Variants in BTNL8 observed in about 807,000 individuals in gnomAD.
BTNL8 encodes the protein butyrophilin-like protein 8.
A neutral mutation model predicts 36.1 loss-of-function variants in BTNL8; 22 were observed. The observed-to-expected ratio is 0.61, with a 90% CI of 0.44 to 0.87. The LOEUF is 0.87. Ranked by LOEUF, BTNL8 falls within the 40% of genes least tolerant of loss-of-function variation. BTNL8 has a pLI of 0.00. For missense variants in BTNL8, 526 were observed against 616.9 expected, an observed-to-expected ratio of 0.85 and a Z score of 1.56; for synonymous variants, 203 against 235.6, an observed-to-expected ratio of 0.86 and a Z score of 1.27.
intron 3 of BTNL8, among the ~76,000 whole-genome samples, chr5:180,917,320 T>C (rs113326680): frequency 5.5e-5 from 4 of 72,652 alleles, no homozygotes; most frequent in South Asian, 4.3e-4. Context: ...TGAAAAATCA[T>C]AGGCCAACAA....
chr5:180,931,820 G>A (rs1758399409), intron 3 of BTNL8, among the ~76,000 whole-genome samples: 1 of 152,174 alleles, frequency 6.6e-6, no homozygotes, highest in South Asian at 2.1e-4. Flanking sequence ...CCATGCTGGA[G>A]AGAATGTGGA....
At chr5:180,909,494 T>C in intron 2 of BTNL8, 1 of 973,756 alleles carries the variant, frequency 1.0e-6, no homozygotes, top group Non-Finnish European at 1.2e-6. Context: ...AAACGTCAGC[T>C]CCAGGAAGCT....
rs1758636583 is a variant in BTNL8 at position 180,935,990 on chromosome 5, C to T, written c.674-11522C>T. 6.6e-6 allele frequency among the ~76,000 whole-genome samples: 1 copy of T among 151,902 alleles called. No individual in the cohort carries two copies. Among genetic ancestry groups the T allele is most frequent in the African/African-American group, 2.4e-5 (1 of 41,348 alleles). On this transcript the variant is annotated intron_variant, in intron 3 of 7. Coordinates refer to ENST00000340184, the MANE Select transcript of BTNL8 (RefSeq NM_001040462.3). This position sits in a 1 kb window ranked among gnomAD's most constrained non-coding sequence, Gnocchi z 4.8. ...GTGGCATGATCTCAGCTCACTGCAA[C>T]CTCCGTCTTCTGGGTTCAAGTGATT...
chr5:180,941,914 T>TTTTTTTTTTTTG (rs1281454934), intron 3 of BTNL8, among the ~76,000 whole-genome samples: 1 of 150,868 alleles, frequency 6.6e-6, no homozygotes, highest in African/African-American at 2.5e-5. Flanking sequence ...TTACTACTCT[T>TTTTTTTTTTTTG]ATTCAACAAA....
At chr5:180,915,215 G>A (rs1757571945) in intron 3 of BTNL8, among the ~76,000 whole-genome samples, 1 of 152,150 alleles carries the variant, frequency 6.6e-6, no homozygotes, top group South Asian at 2.1e-4. Context: ...GCTGATATGT[G>A]CCCCCAGCCC....
At chr5:180,905,865 T>G (rs1310293225) in intron 1 of BTNL8, among the ~76,000 whole-genome samples, 2 of 151,242 alleles carry the variant, frequency 1.3e-5, no homozygotes, top group African/African-American at 4.9e-5. Context: ...AGTTCTAGTT[T>G]GATTGCACTG....
intron 1 of BTNL8, 139 bp downstream of exon 1, chr5:180,899,498 C>A: frequency 2.0e-6 from 2 of 980,010 alleles, no homozygotes; most frequent in Non-Finnish European, 3.2e-6. Flanking sequence ...GGGGAAGGAT[C>A]AGGCGCTGTG....
At chr5:180,925,301 T>C (rs1005640651) in intron 3 of BTNL8, among the ~76,000 whole-genome samples, 3 of 152,170 alleles carry the variant, frequency 2.0e-5, no homozygotes, top group African/African-American at 7.2e-5. Context: ...TTCAGGAAGC[T>C]TGGATGTCAT....
chr5:180,942,683 A>G (rs111749922), intron 3 of BTNL8, among the ~76,000 whole-genome samples: 177 of 151,992 alleles, frequency 1.2e-3, no homozygotes, highest in Non-Finnish European at 2.2e-3. Context: ...AAGAATATAT[A>G]TTAGAGAAAA....
At chr5:180,926,330 T>C (rs1278899724) in intron 3 of BTNL8, among the ~76,000 whole-genome samples, 2 of 152,174 alleles carry the variant, frequency 1.3e-5, no homozygotes, top group Non-Finnish European at 2.9e-5. Context: ...TTGCAACTCA[T>C]AGACCAGAAG....
chr5:180,933,979 G>GA (rs75061860), intron 3 of BTNL8, among the ~76,000 whole-genome samples: 67,517 of 149,950 alleles, frequency 0.45, 16,141 homozygotes, highest in African/African-American at 0.63. Flanking sequence ...CAAGGACACT[G>GA]AAAAAAAAAG....
intron 1 of BTNL8, among the ~76,000 whole-genome samples, chr5:180,904,687 T>A (rs1756999658): frequency 8.5e-6 from 1 of 118,010 alleles, no homozygotes; most frequent in African/African-American, 3.5e-5. Context: ...CTTATTATTT[T>A]GAAATACGTC....
chr5:180,948,013 T>C (rs1759358872), intron 4 of BTNL8: 1 of 673,854 alleles, frequency 1.5e-6, no homozygotes, highest in Admixed American at 3.1e-5. Context: ...AATAAGACTT[T>C]TCACCCCCAA....
intron 1 of BTNL8, among the ~76,000 whole-genome samples, chr5:180,904,742 T>C (rs1407495047): frequency 1.0e-4 from 15 of 146,568 alleles, no homozygotes; most frequent in African/African-American, 3.8e-4. Context: ...TGAAGGGTTG[T>C]TGAATTTTGT....
At chr5:180,925,487 A>G (rs915039850) in intron 3 of BTNL8, among the ~76,000 whole-genome samples, 1 of 152,264 alleles carries the variant, frequency 6.6e-6, no homozygotes, top group African/African-American at 2.4e-5. Context: ...ATGCCAGGAA[A>G]GAATGGCATT....
At chr5:180,943,459 A>G (rs1759085851) in intron 3 of BTNL8, among the ~76,000 whole-genome samples, 1 of 152,150 alleles carries the variant, frequency 6.6e-6, no homozygotes, top group South Asian at 2.1e-4. Flanking sequence ...ACATTTCTTA[A>G]AAGAAAACAT....
At chr5:180,921,579 C>T (rs1169136663) in intron 3 of BTNL8, among the ~76,000 whole-genome samples, 1 of 151,872 alleles carries the variant, frequency 6.6e-6, no homozygotes, top group Non-Finnish European at 1.5e-5. Context: ...ATCTACTATA[C>T]AGCACAGTGC....
At chr5:180,905,821 A>G (rs959539426) in intron 1 of BTNL8, among the ~76,000 whole-genome samples, 1 of 151,158 alleles carries the variant, frequency 6.6e-6, no homozygotes, top group Non-Finnish European at 1.5e-5. Context: ...TTCAGTTTCC[A>G]TGTAGTTGAG....
At chr5:180,927,574 A>C (rs977539732) in intron 3 of BTNL8, among the ~76,000 whole-genome samples, 4 of 152,208 alleles carry the variant, frequency 2.6e-5, no homozygotes, top group African/African-American at 9.6e-5. Context: ...AAGGAAGCTA[A>C]GAACCTTGAA....
Sources: allele counts gnomAD v4.1 joint callset (sites outside exome capture counted in the v4.1 genomes callset), GRCh38; gene constraint gnomAD v4.1.1; non-coding constraint Gnocchi (gnomAD v3.1); transcripts MANE v1.5; gene names NCBI Gene and HGNC (gene_info 2026-07-23, HGNC 2026-07-21).